DRAM2: variants seen among roughly 807,000 people sequenced by gnomAD.
The protein encoded by DRAM2 is DNA damage regulated autophagy modulator 2, also known as DNA damage-regulated autophagy modulator protein 2.
In DRAM2, 26 loss-of-function variants were observed where a neutral mutation model predicts 33.5. That is an observed-to-expected ratio of 0.78 (90% CI 0.57 to 1.08). The LOEUF (loss-of-function observed/expected upper bound fraction) is 1.08. Ranked by LOEUF, DRAM2 falls within the 50% of genes least tolerant of loss-of-function variation. The pLI, the probability that DRAM2 is intolerant of heterozygous loss-of-function variation, is 0.00. For synonymous variants in DRAM2, 98 were observed against 109.5 expected (o/e 0.89, Z 0.66); for missense variants, 311 against 318.1 (o/e 0.98, Z 0.17).
chr1:111,130,615 A>G (rs687699), intron 4 of DRAM2, among the ~76,000 whole-genome samples: 64,746 of 150,994 alleles, frequency 0.43, 14,848 homozygotes, highest in African/African-American at 0.6. Flanking sequence ...CAGGAGAATC[A>G]CTTGAACCTG....
chr1:111,135,128 G>A (rs1407853351), intron 3 of DRAM2, among the ~76,000 whole-genome samples: 1 of 152,042 alleles, frequency 6.6e-6, no homozygotes, highest in Non-Finnish European at 1.5e-5. Flanking sequence ...ACTTTTGTGG[G>A]TCCTGGCTGA....
intron 2 of DRAM2, among the ~76,000 whole-genome samples, chr1:111,138,152 G>A (rs1199120694): frequency 6.6e-6 from 1 of 152,184 alleles, no homozygotes; most frequent in Non-Finnish European, 1.5e-5. Context: ...CACAGGTATG[G>A]AGTACAACTT....
At position 111,131,549 on chromosome 1, in the gene DRAM2, C is replaced by T; in HGVS notation, c.6G>A (p.Trp2Ter). ...GGAAACTGAGGCCTTGCTGAAACCA[C>T]CACATTTCTAACAGGTTTTCTGAAA... is the stretch of plus-strand genomic sequence containing the variant. The part of the protein sequence containing the change: M[W>*]WFQQGLSFLP... The change falls in exon 4 of 10, where the codon TGG (tryptophan) becomes TGA (stop). Residue 2 changes from tryptophan (W) to a stop codon, truncating the protein, a stop_gained. Transcript: ENST00000484310. LOFTEE classifies it high-confidence loss of function. 6.2e-7 allele frequency: 1 copy of T among 1,613,612 alleles called. No homozygotes were observed. Among genetic ancestry groups the T allele is most frequent in the Non-Finnish European group, 8.5e-7 (1 of 1,179,898 alleles).
At chr1:111,131,755 C>T (rs762419639) in intron 3 of DRAM2, among the ~76,000 whole-genome samples, 187 bp from the exon 4 acceptor site, 2 of 152,194 alleles carry the variant, frequency 1.3e-5, no homozygotes, top group African/African-American at 4.8e-5. Context: ...GATTCACCCA[C>T]GTGACAGAGC....
In DRAM2 at chr1:111,131,667, CTG is replaced by C. The variant is rs35219000; in HGVS notation, c.-14-101_-14-100del. On this transcript the variant is annotated intron_variant, in intron 3 of 9. Coordinates refer to ENST00000484310, the MANE Select transcript of DRAM2 (RefSeq NM_001349884.2). ...ACAGCCTTGTACTTACCACCCCAAG[CTG>C]TTTCACCTCTGAAATCATCCCTCAT... 1,421 of 1,140,654 alleles carry C rather than the reference CTG, an allele frequency of 1.2e-3. 8 individuals carry two copies. Among genetic ancestry groups the C allele is most frequent in the Middle Eastern group, 8.1e-3 (40 of 4,962 alleles). The allele number at this position is 1,140,654 out of a possible 1,614,324, so 70.7% of individuals were successfully genotyped here.
chr1:111,119,164 C>T (rs866539049), intron 8 of DRAM2, among the ~76,000 whole-genome samples: 5 of 151,972 alleles, frequency 3.3e-5, no homozygotes, highest in African/African-American at 1.2e-4. Context: ...ACTCTACAAT[C>T]GAGAAATTAC....
rs147833191 is a variant in DRAM2, at chr1:111,124,684, T to C, written c.339+58A>G. ...GTAACTGAATGCTTCAGGTTTCCCT[T>C]TTAATATATATATTTATGTACTTAA... On this transcript the variant is annotated intron_variant, in intron 6 of 9. Coordinates refer to ENST00000484310, the MANE Select transcript of DRAM2 (RefSeq NM_001349884.2). The C allele has an allele frequency of 9.6e-6, 15 of 1,566,198 alleles. No individual in the cohort carries two copies. The African/African-American group carries it at 1.2e-4, about 13-fold the overall frequency.
chr1:111,121,639 ATTTTTAT>A (rs1434491556), intron 6 of DRAM2, among the ~76,000 whole-genome samples: 7 of 152,160 alleles, frequency 4.6e-5, no homozygotes, highest in Non-Finnish European at 1.0e-4. Flanking sequence ...AAGAAATTCA[ATTTTTAT>A]TTTTTAAGTT....
chr1:111,132,405 G>C (rs1317516314), intron 3 of DRAM2, among the ~76,000 whole-genome samples: 1 of 152,200 alleles, frequency 6.6e-6, no homozygotes, highest in Non-Finnish European at 1.5e-5. Flanking sequence ...GGGGTAGTGA[G>C]AACCTTAGTT....
At chr1:111,121,254 C>G (rs193062741) in intron 6 of DRAM2, among the ~76,000 whole-genome samples, 3 of 152,200 alleles carry the variant, frequency 2.0e-5, no homozygotes, top group Admixed American at 6.5e-5. Flanking sequence ...TTAAAATATT[C>G]TCCCTTGGCT....
At position 111,117,732 on chromosome 1, in the gene DRAM2, C is replaced by T. The variant is rs1649199215; in HGVS notation, c.*428G>A. 1.2e-5 allele frequency: 2 copies of T among 164,018 alleles called. No individual in the cohort carries two copies. Among genetic ancestry groups the T allele is most frequent in the African/African-American group, 4.8e-5 (2 of 41,468 alleles). The allele number at this position is 164,018 out of a possible 1,614,324, so 10.2% of individuals were successfully genotyped here. A position where few individuals can be genotyped will look rare whatever the true frequency, so the allele number is the denominator to read the frequency against. ...AAAACTCCCATTTCAAAACCCAGTT[C>T]TAAAGGATTTACTGACTAATGCTGA... On this transcript the variant is annotated 3_prime_UTR_variant, in exon 10 of 10. Coordinates refer to ENST00000484310, the MANE Select transcript of DRAM2 (RefSeq NM_001349884.2).
In DRAM2 at chr1:111,117,240, T is replaced by A. The variant is rs1649103614; in HGVS notation, c.*920A>T. On this transcript the variant is annotated 3_prime_UTR_variant, in exon 10 of 10. Transcript: ENST00000484310. Reference sequence around the variant, plus strand: ...GAATTTGGGCTCTACAAAGGTTACATCCTATTAAAAAGGCTCAATATTTAC... The same window carrying A: ...GAATTTGGGCTCTACAAAGGTTACAACCTATTAAAAAGGCTCAATATTTAC... 6.6e-6 allele frequency: 1 copy of A among 152,132 alleles called. No individual in the cohort carries two copies. Among genetic ancestry groups the A allele is most frequent in the Non-Finnish European group, 1.5e-5 (1 of 67,980 alleles). 9.4% of individuals were successfully genotyped at this position (152,132 alleles called of 1,614,324 possible). A position where few individuals can be genotyped will look rare whatever the true frequency, so the allele number is the denominator to read the frequency against.
chr1:111,123,124 T>A (rs1650343237), intron 6 of DRAM2, among the ~76,000 whole-genome samples: 1 of 152,162 alleles, frequency 6.6e-6, no homozygotes, highest in Admixed American at 6.5e-5. Flanking sequence ...AAACATTTTT[T>A]AATAATGAGC....
rs774735436 is a variant in DRAM2 at position 111,119,931 on chromosome 1, A to G, written c.546T>C (p.Ser182=). The part of the protein sequence containing the change: ...SMLTCSSVLH[S]GNFGTDLEQK... ...GTTCTAAATCAGTCCCAAAATTGCC[A>G]CTGTGCAAAACTGATGAGCAAGTCA... The change falls in exon 8 of 10, where the codon AGT becomes AGC. Residue 182 remains serine, a synonymous_variant. Coordinates refer to ENST00000484310, the MANE Select transcript of DRAM2 (RefSeq NM_001349884.2). 2 of 1,612,740 alleles carry G rather than the reference A, an allele frequency of 1.2e-6. No homozygotes were observed. The highest frequency in any genetic ancestry group is 4.5e-5 in the East Asian group (2 of 44,850).
intron 4 of DRAM2, among the ~76,000 whole-genome samples, 161 bp from the exon 5 acceptor site, chr1:111,126,455 G>A (rs1571036680): frequency 6.6e-6 from 1 of 151,688 alleles, no homozygotes; most frequent in East Asian, 1.9e-4. Context: ...GACAATTTGA[G>A]TTCACAAATA....
chr1:111,119,829 A>G (rs987334437), intron 8 of DRAM2, 48 bp downstream of exon 8: 4 of 1,427,148 alleles, frequency 2.8e-6, no homozygotes, highest in Non-Finnish European at 3.9e-6. Flanking sequence ...ATCAATCAAA[A>G]TAACCATCTT....
chr1:111,131,650 G>T, intron 3 of DRAM2, 82 bp from the exon 4 acceptor site: 1 of 1,351,814 alleles, frequency 7.4e-7, no homozygotes, highest in Non-Finnish European at 1.0e-6. Flanking sequence ...CCACAGCCTT[G>T]TACTTACCAC....
chr1:111,136,929 G>A (rs192196186), intron 3 of DRAM2, among the ~76,000 whole-genome samples: 15 of 152,032 alleles, frequency 9.9e-5, no homozygotes, highest in African/African-American at 3.4e-4. Flanking sequence ...AGCTGAGATC[G>A]TGCCACTGCA....
chr1:111,120,524 GCACTTACTC>G lies in DRAM2; in HGVS notation c.500_508del (p.Gly167_Ser169del). The G allele has an allele frequency of 6.3e-7, 1 of 1,599,330 alleles. No homozygotes were observed. Among genetic ancestry groups the G allele is most frequent in the Non-Finnish European group, 8.5e-7 (1 of 1,172,926 alleles). On this transcript the variant is annotated inframe_deletion, in exon 7 of 10. Coordinates refer to ENST00000484310, the MANE Select transcript of DRAM2 (RefSeq NM_001349884.2). ...TGTACAGTGAAGGATACTGCTAAGTGCACTTACTCCACACCAGATAACCAACAACAGTCT... is the reference window on the plus strand; with the variant it reads ...TGTACAGTGAAGGATACTGCTAAGTGCACACCAGATAACCAACAACAGTCT...
Sources: allele counts gnomAD v4.1 joint callset (sites outside exome capture counted in the v4.1 genomes callset), GRCh38; gene constraint gnomAD v4.1.1; transcripts MANE v1.5; gene names NCBI Gene and HGNC (gene_info 2026-07-23, HGNC 2026-07-21).